Variants in NAV2 observed in about 807,000 individuals in gnomAD.
NAV2 encodes helicase, APC down-regulated 1.
In NAV2, 54 loss-of-function variants were observed where a neutral mutation model predicts 223.2. The observed-to-expected ratio is 0.24, with a 90% CI of 0.19 to 0.30. NAV2 has a LOEUF of 0.30. Among genes scored for constraint, NAV2 ranks in the 10% least tolerant of loss-of-function variants. NAV2 has a pLI of 1.00. For synonymous variants in NAV2, 1,279 were observed against 1,239.3 expected, an observed-to-expected ratio of 1.03 and a Z score of -0.67; for missense variants, 2,806 against 3,147.5, an observed-to-expected ratio of 0.89 and a Z score of 2.60.
intron 1 of NAV2, among the ~76,000 whole-genome samples, chr11:19,742,199 G>A (rs982423466): frequency 1.3e-5 from 2 of 152,142 alleles, no homozygotes; most frequent in Non-Finnish European, 2.9e-5. Flanking sequence ...GAAGACCATG[G>A]ACTCAGCAGT....
chr11:19,372,716 G>A (rs553797467), intron 1 of NAV2, among the ~76,000 whole-genome samples: 22 of 152,262 alleles, frequency 1.4e-4, no homozygotes, highest in Middle Eastern at 3.4e-3. Flanking sequence ...TGGAAAGAGC[G>A]GGCCTGAGAG....
chr11:19,813,844 C>A (rs748540685), intron 1 of NAV2, among the ~76,000 whole-genome samples: 9 of 152,090 alleles, frequency 5.9e-5, no homozygotes, highest in Non-Finnish European at 1.2e-4. Flanking sequence ...TTCCTGTGAC[C>A]ATTATAAAGT....
chr11:19,963,315 G>A (rs1193130210), intron 10 of NAV2, among the ~76,000 whole-genome samples: 7 of 152,142 alleles, frequency 4.6e-5, no homozygotes, highest in Non-Finnish European at 8.8e-5. Context: ...TTACTTGGCC[G>A]GGCCACACAG....
intron 3 of NAV2, among the ~76,000 whole-genome samples, chr11:19,862,821 T>C (rs1338182116): frequency 1.3e-5 from 2 of 151,800 alleles, no homozygotes; most frequent in Admixed American, 1.3e-4. Context: ...CCTCTAGGAG[T>C]ATAGAGGAAA....
intron 16 of NAV2, 138 bp from the exon 17 acceptor site, chr11:20,051,151 A>T: frequency 1.4e-6 from 1 of 697,650 alleles, no homozygotes. Context: ...GTTGCATTGC[A>T]CGCCTAGCTG....
chr11:19,595,957 A>G (rs2046197303), intron 1 of NAV2, among the ~76,000 whole-genome samples: 1 of 152,306 alleles, frequency 6.6e-6, no homozygotes, highest in East Asian at 1.9e-4. Context: ...TACACTAAAT[A>G]AATAAAAGAT....
Position 19,756,080 on chromosome 11 carries a change from G to A in NAV2, c.267+42118G>A, listed in dbSNP as rs150429803. The stretch of plus-strand genomic sequence containing the variant: ...CGTGGCAACTTTCATTTAACCTAGA[G>A]CTCAGAGCCTCAATCTCCTGTACAG... On this transcript the variant is annotated intron_variant, in intron 1 of 37. Transcript: ENST00000349880. Among the ~76,000 whole-genome samples the A allele has an allele frequency of 5.3e-4, 81 of 152,248 alleles. 1 individual carries two copies. The highest frequency in any genetic ancestry group is 1.8e-3 in the African/African-American group (76 of 41,552).
chr11:19,423,372 G>A (rs557689726), intron 1 of NAV2, among the ~76,000 whole-genome samples: 13 of 152,322 alleles, frequency 8.5e-5, no homozygotes, highest in African/African-American at 2.2e-4. Flanking sequence ...ACTAAGAACC[G>A]TGTGCTAGGC....
chr11:19,573,293 C>A (rs1476979852), intron 1 of NAV2, among the ~76,000 whole-genome samples: 1 of 152,162 alleles, frequency 6.6e-6, no homozygotes, highest in Non-Finnish European at 1.5e-5. Flanking sequence ...ATCTTCTCAG[C>A]TTTGCCTTTT....
At chr11:20,063,407 C>G (rs2058830534) in intron 20 of NAV2, among the ~76,000 whole-genome samples, 1 of 152,186 alleles carries the variant, frequency 6.6e-6, no homozygotes, top group Admixed American at 6.5e-5. Flanking sequence ...GACTCTCGCT[C>G]TGTCGCCCAG....
intron 6 of NAV2, among the ~76,000 whole-genome samples, chr11:19,900,282 AAGTTG>A (rs748665471): frequency 0.41 from 62,490 of 151,550 alleles, 15,382 homozygotes; most frequent in Non-Finnish European, 0.54. Flanking sequence ...AATAAACAAG[AAGTTG>A]TATCAAAGTC....
chr11:19,543,314 C>A (rs934903558), intron 1 of NAV2, among the ~76,000 whole-genome samples: 7 of 152,124 alleles, frequency 4.6e-5, no homozygotes. Flanking sequence ...TGCTGAAAGT[C>A]CTTTCAAAAT....
chr11:19,444,560 C>T (rs1011033946), intron 1 of NAV2, among the ~76,000 whole-genome samples: 1 of 152,004 alleles, frequency 6.6e-6, no homozygotes, highest in African/African-American at 2.4e-5. Flanking sequence ...ACCGGCCCCC[C>T]ACTGCCCACC....
chr11:19,939,512 G>T (rs773383732), intron 7 of NAV2, 149 bp from the exon 8 acceptor site: 2 of 593,596 alleles, frequency 3.4e-6, no homozygotes, highest in Non-Finnish European at 3.1e-6. Context: ...TACGGCTAAT[G>T]AATTATTTAG....
At chr11:19,604,875 G>T (rs2046439431) in intron 1 of NAV2, among the ~76,000 whole-genome samples, 1 of 152,038 alleles carries the variant, frequency 6.6e-6, no homozygotes, top group Non-Finnish European at 1.5e-5. Flanking sequence ...TTAAAAATGG[G>T]ACTTTCCCTG....
intron 10 of NAV2, among the ~76,000 whole-genome samples, chr11:19,963,711 G>T (rs770277684): frequency 1.3e-5 from 2 of 152,196 alleles, no homozygotes; most frequent in African/African-American, 4.8e-5. Flanking sequence ...AATGTCACAG[G>T]TCTTTACTGT....
At chr11:20,053,727 G>A (rs886423214) in intron 17 of NAV2, among the ~76,000 whole-genome samples, 3 of 152,202 alleles carry the variant, frequency 2.0e-5, no homozygotes, top group Admixed American at 6.5e-5. Flanking sequence ...AGCTCTAACA[G>A]CAGCTCATTT....
At chr11:19,650,941 G>A (rs111767836) in intron 1 of NAV2, among the ~76,000 whole-genome samples, 224 of 152,266 alleles carry the variant, frequency 1.5e-3, no homozygotes, top group Non-Finnish European at 2.4e-3. Context: ...ATCTGAGTGC[G>A]CTGGTGGTTA....
chr11:19,477,413 G>C (rs1388480548), intron 1 of NAV2, among the ~76,000 whole-genome samples: 1 of 152,166 alleles, frequency 6.6e-6, no homozygotes, highest in African/African-American at 2.4e-5. Context: ...TATTGAGTGG[G>C]ATTACTGCCC....
Sources: allele counts gnomAD v4.1 joint callset (sites outside exome capture counted in the v4.1 genomes callset), GRCh38; gene constraint gnomAD v4.1.1; transcripts MANE v1.5; gene names NCBI Gene and HGNC (gene_info 2026-07-23, HGNC 2026-07-21).